Variants in BTBD1 observed in about 807,000 individuals in gnomAD.
BTBD1 encodes BTB/POZ domain-containing protein 1.
BTBD1 carries 34 observed loss-of-function variants against 48.0 expected under a neutral mutation model. That is an observed-to-expected ratio of 0.71 (90% CI 0.54 to 0.94). BTBD1 has a LOEUF of 0.94. BTBD1 is among the 40% of genes least tolerant of loss of function. The pLI, the probability that BTBD1 is intolerant of heterozygous loss-of-function variation, is 0.00. For synonymous variants in BTBD1, 261 were observed against 242.1 expected, an observed-to-expected ratio of 1.08 and a Z score of -0.72; for missense variants, 543 against 625.6, an observed-to-expected ratio of 0.87 and a Z score of 1.41.
At chr15:83,066,527 TGAA>T (rs2033274411) in intron 1 of BTBD1, among the ~76,000 whole-genome samples, 1 of 152,236 alleles carries the variant, frequency 6.6e-6, no homozygotes, top group Non-Finnish European at 1.5e-5. Flanking sequence ...GCTTGCCTAA[TGAA>T]GACACTAACG....
At position 83,018,042 on chromosome 15, in the gene BTBD1, A is replaced by T. The variant is rs1392506959; in HGVS notation, c.*25T>A. On this transcript the variant is annotated 3_prime_UTR_variant, in exon 8 of 8. Coordinates refer to ENST00000261721, the MANE Select transcript of BTBD1 (RefSeq NM_025238.4). The stretch of plus-strand genomic sequence containing the variant: ...GACACTAGATTGTATGGTATTATTT[A>T]GCCAAGATGTATTATAATGCTAAAT... 7 of 1,530,062 alleles carry T rather than the reference A, an allele frequency of 4.6e-6. No individual in the cohort carries two copies. Among genetic ancestry groups the T allele is most frequent in the Non-Finnish European group, 6.2e-6 (7 of 1,120,814 alleles). The allele number at this position is 1,530,062 out of a possible 1,614,324, so 94.8% of individuals were successfully genotyped here.
intron 1 of BTBD1, among the ~76,000 whole-genome samples, chr15:83,060,733 G>A (rs1002589797): frequency 4.6e-5 from 7 of 152,126 alleles, no homozygotes; most frequent in African/African-American, 1.7e-4. Context: ...AGCGGAGATT[G>A]GGTAAGCCAA....
chr15:83,058,608 A>C (rs2033126076), intron 1 of BTBD1, among the ~76,000 whole-genome samples: 1 of 152,060 alleles, frequency 6.6e-6, no homozygotes, highest in African/African-American at 2.4e-5. Flanking sequence ...GACTTAAAAA[A>C]ATTTTTTTTT....
chr15:83,063,026 T>C (rs1043822913), intron 1 of BTBD1, among the ~76,000 whole-genome samples: 6 of 152,206 alleles, frequency 3.9e-5, no homozygotes, highest in Non-Finnish European at 7.3e-5. Context: ...TACCTGACTC[T>C]CAATAGCATT....
At chr15:83,050,821 T>C (rs2032967967) in intron 2 of BTBD1, among the ~76,000 whole-genome samples, 1 of 152,030 alleles carries the variant, frequency 6.6e-6, no homozygotes, top group Non-Finnish European at 1.5e-5. Flanking sequence ...TGACGGAATA[T>C]TATACAACAA....
chr15:83,040,000 CACACACACACACACACGG>C (rs1172490405), intron 4 of BTBD1, among the ~76,000 whole-genome samples: 2 of 150,114 alleles, frequency 1.3e-5, no homozygotes, highest in African/African-American at 5.0e-5. Context: ...CACACACACA[CACACACACACACACACGG>C]ACACACACAC....
chr15:83,066,927 C>A lies in BTBD1; in HGVS notation c.225G>T (p.Leu75=). 6.4e-7 allele frequency: 1 copy of A among 1,566,032 alleles called. No individual in the cohort carries two copies. Among genetic ancestry groups the A allele is most frequent in the Non-Finnish European group, 8.6e-7 (1 of 1,160,036 alleles). The part of the protein sequence containing the change: ...SELLSDVRFV[L]GKGRGAAAAG... Reference sequence around the variant, plus strand: ...CGGCGGCGGCGCCGCGACCCTTGCCCAGTACGAAGCGCACATCGCTCAGCA... The same window carrying A: ...CGGCGGCGGCGCCGCGACCCTTGCCAAGTACGAAGCGCACATCGCTCAGCA... The change falls in exon 1 of 8, where the codon CTG becomes CTT. Residue 75 remains leucine (L), a synonymous_variant. Coordinates refer to ENST00000261721, the MANE Select transcript of BTBD1 (RefSeq NM_025238.4).
At chr15:83,065,515 A>G (rs2033250915) in intron 1 of BTBD1, among the ~76,000 whole-genome samples, 1 of 152,182 alleles carries the variant, frequency 6.6e-6, no homozygotes, top group African/African-American at 2.4e-5. Context: ...TTCTGATTCA[A>G]CTGTGAACCT....
intron 4 of BTBD1, among the ~76,000 whole-genome samples, chr15:83,040,995 T>C (rs1367465868): frequency 6.6e-6 from 1 of 151,250 alleles, no homozygotes; most frequent in East Asian, 2.0e-4. Context: ...ATAAAAAAAA[T>C]TAAAAAATTA....
chr15:83,040,963 A>G (rs1436554629), intron 4 of BTBD1, among the ~76,000 whole-genome samples: 1 of 151,886 alleles, frequency 6.6e-6, no homozygotes, highest in Admixed American at 6.6e-5. Flanking sequence ...CAGCCCTGAC[A>G]GGATGGTGAA....
In BTBD1 at chr15:83,020,756, T is replaced by C. The variant is rs1217317213; in HGVS notation, c.1062A>G (p.Thr354=). Residue 354 remains threonine, a synonymous_variant, in exon 6 of 8, where the codon ACA becomes ACG. Transcript: ENST00000261721. The part of the protein sequence containing the change: ...YSGTSDRIRF[T]VNRRISIVGF... ...CAACTATAGAGATCCTTCTATTAAC[T>C]GTGAATCTGAGAGAAAGAAGCCAAA... 3 of 1,592,848 alleles carry C rather than the reference T, an allele frequency of 1.9e-6. No homozygotes were observed. Among genetic ancestry groups the C allele is most frequent in the South Asian group, 1.1e-5 (1 of 90,110 alleles).
chr15:83,039,777 CAA>C lies in BTBD1; in HGVS notation c.862+1949_862+1950del, dbSNP rs34059984. Among the ~76,000 whole-genome samples, 461 of 97,472 alleles carry C rather than the reference CAA, an allele frequency of 4.7e-3. 3 individuals are homozygous for C. The highest frequency in any genetic ancestry group is 0.039 in the Middle Eastern group (8 of 204). 63.9% of individuals were successfully genotyped at this position (97,472 alleles called of 152,430 possible). Reference sequence around the variant, plus strand: ...TGGGTGACAGAGTGAGGCTCTGTCTCAAAAAAAAAAAAAAAAACCACAAACAA... The same window carrying C: ...TGGGTGACAGAGTGAGGCTCTGTCTCAAAAAAAAAAAAAAACCACAAACAA... On this transcript the variant is annotated intron_variant, in intron 4 of 7. Transcript: ENST00000261721.
chr15:83,034,412 G>A (rs2032586450), intron 4 of BTBD1, among the ~76,000 whole-genome samples: 3 of 152,110 alleles, frequency 2.0e-5, no homozygotes, highest in South Asian at 4.1e-4. Context: ...CCAGGAGTTC[G>A]AGACTAGCCT....
At chr15:83,043,425 T>C (rs1401716700) in intron 3 of BTBD1, among the ~76,000 whole-genome samples, 1 of 152,088 alleles carries the variant, frequency 6.6e-6, no homozygotes, top group African/African-American at 2.4e-5. Context: ...ATCATTTGGC[T>C]TTTACTCTAA....
chr15:83,041,955 T>C, intron 3 of BTBD1, 30 bp from the exon 4 acceptor site: 3 of 1,596,236 alleles, frequency 1.9e-6, no homozygotes, highest in South Asian at 1.1e-5. Flanking sequence ...TAAACCCAAT[T>C]AGAAATATTT....
Position 83,066,805 on chromosome 15 carries a change from G to T in BTBD1, c.347C>A (p.Ser116Ter). 6.9e-7 allele frequency: 1 copy of T among 1,446,460 alleles called. No homozygotes were observed. Among genetic ancestry groups the T allele is most frequent in the Non-Finnish European group, 9.1e-7 (1 of 1,102,268 alleles). 89.6% of individuals were successfully genotyped at this position (1,446,460 alleles called of 1,614,324 possible). The change falls in exon 1 of 8, where the codon TCG becomes TAG. Residue 116 changes from serine to a stop codon, truncating the protein, a stop_gained. Coordinates refer to ENST00000261721, the MANE Select transcript of BTBD1 (RefSeq NM_025238.4). LOFTEE classifies it high-confidence loss of function. Reference protein sequence around the residue: ...AMFNGGMATTSAEIELPDVEP... With the variant: ...AMFNGGMATT ...CACGTCCGGCAGCTCGATCTCGGCCGACGTGGTGGCCATGCCGCCGTTGAA... is the reference window on the plus strand; with the variant it reads ...CACGTCCGGCAGCTCGATCTCGGCCTACGTGGTGGCCATGCCGCCGTTGAA...
chr15:83,043,345 G>A lies in BTBD1; in HGVS notation c.665-1420C>T, dbSNP rs146598972. Among the ~76,000 whole-genome samples the A allele has an allele frequency of 9.6e-3, 1,467 of 152,278 alleles. 12 individuals carry two copies. Among genetic ancestry groups the A allele is most frequent in the Non-Finnish European group, 0.015 (1,010 of 68,016 alleles). On this transcript the variant is annotated intron_variant, in intron 3 of 7. Transcript: ENST00000261721. ...CCAACGTGGTGGAGTGGAGTGAGCA[G>A]GAGGGAAGAGTAGCAGGCAAGGAGG...
chr15:83,059,059 A>C (rs74028218), intron 1 of BTBD1, among the ~76,000 whole-genome samples: 417 of 152,358 alleles, frequency 2.7e-3, no homozygotes, highest in African/African-American at 9.1e-3. Flanking sequence ...TAAAACAAGT[A>C]TGTATCTGAA....
At chr15:83,044,874 A>G (rs747426779) in intron 3 of BTBD1, 1 of 707,730 alleles carries the variant, frequency 1.4e-6, no homozygotes, top group African/African-American at 1.8e-5. Context: ...GTGTTCAATT[A>G]TCTTTATCAC....
Sources: gnomAD v4.1 joint callset for allele counts (sites outside exome capture counted in the v4.1 genomes callset) on GRCh38, gnomAD v4.1.1 for gene constraint, MANE v1.5 for transcripts, NCBI Gene and HGNC (gene_info 2026-07-23, HGNC 2026-07-21) for gene names.